The following APC variants were observed in gnomAD, a reference collection of about 807,000 sequenced individuals.
The protein encoded by APC is adenomatous polyposis coli protein.
In APC, 72 loss-of-function variants were observed where a neutral mutation model predicts 247.0. That is an observed-to-expected ratio of 0.29 (90% CI 0.24 to 0.35). The LOEUF (loss-of-function observed/expected upper bound fraction) is 0.35, where lower values mean the gene tolerates loss of function less well. APC is among the 10% of genes least tolerant of loss of function. APC has a pLI of 1.00. For synonymous variants in APC, 1,254 were observed against 1,162.5 expected, an observed-to-expected ratio of 1.08 and a Z score of -1.60; for missense variants, 3,400 against 3,360.7, an observed-to-expected ratio of 1.01 and a Z score of -0.29.
chr5:112,754,886 CAAGG>C lies in APC; in HGVS notation c.-3_1del, dbSNP rs1754778863. ...TTAACCTTATAGGTCCAAGGGTAGC[CAAGG>C]ATGGCTGCAGCTTCATATGATCAGT... On this transcript the variant is annotated 5_prime_UTR_variant, in exon 2 of 16. Coordinates refer to ENST00000257430, the MANE Select transcript of APC (RefSeq NM_000038.6). 2 of 1,613,504 alleles carry C rather than the reference CAAGG, an allele frequency of 1.2e-6. No individual in the cohort carries two copies. Among genetic ancestry groups the C allele is most frequent in the South Asian group, 1.1e-5 (1 of 91,048 alleles).
chr5:112,827,013 T>A, intron 11 of APC, 95 bp from the exon 12 acceptor site: 2 of 1,237,884 alleles, frequency 1.6e-6, no homozygotes, highest in South Asian at 1.3e-5. Flanking sequence ...TCTCATTGAT[T>A]GAGTTTTTTT....
chr5:112,710,891 C>T (rs1750809709), intron 1 of APC, among the ~76,000 whole-genome samples: 1 of 152,358 alleles, frequency 6.6e-6, no homozygotes, highest in East Asian at 1.9e-4. Context: ...AAATGTCCAT[C>T]CAAGTGTTTG....
At chr5:112,837,364 A>G (rs1345517837) in intron 15 of APC, among the ~76,000 whole-genome samples, 189 bp from the exon 16 acceptor site, 1 of 151,976 alleles carries the variant, frequency 6.6e-6, no homozygotes, top group African/African-American at 2.4e-5. Flanking sequence ...TACTTTTTTT[A>G]GTGTGACAGA....
Position 112,792,525 on chromosome 5 carries a change from C to G in APC, c.725C>G (p.Ala242Gly), listed in dbSNP as rs781613529. 1 of 1,611,336 alleles carries G rather than the reference C, an allele frequency of 6.2e-7. No homozygotes were observed. Among genetic ancestry groups the G allele is most frequent in the Non-Finnish European group, 8.5e-7 (1 of 1,178,052 alleles). The change falls in exon 7 of 16, where the codon GCA (alanine) becomes GGA (glycine). Residue 242 changes from alanine (A) to glycine (G), a missense_variant. Transcript: ENST00000257430. ...CTTTTACAGTCCCAAGCAACAGAAG[C>G]AGAGGTTAGTAAATTGCCTTTCTTG... ...RQLLQSQATE[A>G]ERSSQNKHET...
chr5:112,745,937 A>C (rs1753623079), intron 1 of APC, among the ~76,000 whole-genome samples: 1 of 152,232 alleles, frequency 6.6e-6, no homozygotes, highest in African/African-American at 2.4e-5. Context: ...AGAAATTGAT[A>C]AAATAGAAAA....
At chr5:112,740,564 C>T (rs1581070870) in intron 1 of APC, among the ~76,000 whole-genome samples, 1 of 111,532 alleles carries the variant, frequency 9.0e-6, no homozygotes, top group Admixed American at 1.2e-4. Flanking sequence ...CTCACTTTGT[C>T]AACCCAGGCT....
chr5:112,739,326 G>T (rs1385818375), intron 1 of APC, among the ~76,000 whole-genome samples: 2 of 152,030 alleles, frequency 1.3e-5, no homozygotes, highest in Non-Finnish European at 2.9e-5. Context: ...CCTGAACAAG[G>T]ATGGCAGTGG....
At chr5:112,801,813 A>G (rs886275867) in intron 8 of APC, among the ~76,000 whole-genome samples, 5 of 152,096 alleles carry the variant, frequency 3.3e-5, no homozygotes, top group African/African-American at 9.7e-5. Context: ...AGATTATATA[A>G]ATCTAGAAAT....
At chr5:112,785,679 A>G (rs896725866) in intron 6 of APC, among the ~76,000 whole-genome samples, 1 of 152,200 alleles carries the variant, frequency 6.6e-6, no homozygotes, top group Non-Finnish European at 1.5e-5. Context: ...AAAGAGGTAC[A>G]GGAATATTTA....
chr5:112,739,718 G>C (rs1336789172), intron 1 of APC, among the ~76,000 whole-genome samples: 4 of 152,118 alleles, frequency 2.6e-5, no homozygotes, highest in Non-Finnish European at 5.9e-5. Flanking sequence ...AAAGTACTTA[G>C]AGTCTCTTTT....
At chr5:112,775,584 A>T in intron 4 of APC, 45 bp from the exon 5 acceptor site, 1 of 1,191,180 alleles carries the variant, frequency 8.4e-7, no homozygotes, top group Non-Finnish European at 1.2e-6. Context: ...TGCAGTCTTT[A>T]TTAGCATTGT....
intron 1 of APC, among the ~76,000 whole-genome samples, chr5:112,728,152 G>T (rs1446896976): frequency 1.3e-5 from 2 of 151,830 alleles, no homozygotes; most frequent in East Asian, 3.9e-4. Flanking sequence ...TTTTGAGACA[G>T]AGTCTCTCTC....
In APC at chr5:112,707,620, G is replaced by A. The variant is rs997256982; in HGVS notation, c.-98G>A. 4.7e-6 allele frequency: 6 copies of A among 1,283,042 alleles called. No individual in the cohort carries two copies. The South Asian group carries it at 6.4e-5, about 14-fold the overall frequency. The allele number at this position is 1,283,042 out of a possible 1,614,324, so 79.5% of individuals were successfully genotyped here. A position where few individuals can be genotyped will look rare whatever the true frequency, so the allele number is the denominator to read the frequency against. ...CTGCGGGCTCAGGCCCGGGAGCTGC[G>A]GACCGAGGTTGGCTCGATGCTGTTC... is the stretch of plus-strand genomic sequence containing the variant. On this transcript the variant is annotated 5_prime_UTR_variant, in exon 1 of 14. Transcript: ENST00000507379.
intron 2 of APC, among the ~76,000 whole-genome samples, chr5:112,758,776 G>A (rs1216937025): frequency 6.6e-6 from 1 of 150,422 alleles, no homozygotes; most frequent in African/African-American, 2.5e-5. Context: ...GCTAATTTTT[G>A]TATTTTAGTA....
At chr5:112,722,206 A>G (rs528354071) in intron 1 of APC, among the ~76,000 whole-genome samples, 1 of 152,350 alleles carries the variant, frequency 6.6e-6, no homozygotes, top group South Asian at 2.1e-4. Context: ...ATTTTAGTAC[A>G]GTAGTACTAA....
chr5:112,758,387 G>T (rs1400755671), intron 2 of APC, among the ~76,000 whole-genome samples: 1 of 152,122 alleles, frequency 6.6e-6, no homozygotes, highest in Non-Finnish European at 1.5e-5. Flanking sequence ...TGTGCAGTGG[G>T]GCAATCTCGG....
intron 8 of APC, among the ~76,000 whole-genome samples, chr5:112,803,126 C>T (rs1458771203): frequency 6.6e-6 from 1 of 151,994 alleles, no homozygotes; most frequent in African/African-American, 2.4e-5. Context: ...AAATCAATAA[C>T]ACTCAGTAAT....
intron 1 of APC, among the ~76,000 whole-genome samples, chr5:112,714,623 T>C (rs936550515): frequency 3.3e-5 from 5 of 152,236 alleles, no homozygotes; most frequent in Admixed American, 2.6e-4. Context: ...ACTTTCAGAC[T>C]TCATATCCTC....
chr5:112,730,024 T>C (rs1301121968), intron 1 of APC, among the ~76,000 whole-genome samples: 3 of 152,338 alleles, frequency 2.0e-5, no homozygotes, highest in Admixed American at 6.5e-5. Context: ...TGTTTCTCTT[T>C]AGTTATTTAA....
Sources: gnomAD v4.1 joint callset for allele counts (sites outside exome capture counted in the v4.1 genomes callset) on GRCh38, gnomAD v4.1.1 for gene constraint, MANE v1.5 for transcripts, NCBI Gene and HGNC (gene_info 2026-07-23, HGNC 2026-07-21) for gene names.